Variants in ARHGEF2 observed in about 807,000 individuals in gnomAD.
The protein encoded by ARHGEF2 is Rho/Rac guanine nucleotide exchange factor 2, also known as rho guanine nucleotide exchange factor 2.
Under a neutral mutation model 121.0 loss-of-function variants are expected in ARHGEF2, and 22 were observed. That is an observed-to-expected ratio of 0.18 (90% confidence interval 0.13 to 0.26). The LOEUF (loss-of-function observed/expected upper bound fraction) is 0.26, where lower values mean the gene tolerates loss of function less well. Among genes scored for constraint, ARHGEF2 ranks in the 10% least tolerant of loss-of-function variants. The probability of loss-of-function intolerance (pLI) is 1.00; values close to 1 mark genes in which losing one functional copy is unlikely to be tolerated. For missense variants in ARHGEF2, 907 were observed against 1,336.0 expected, an observed-to-expected ratio of 0.68 and a Z score of 5.01; for synonymous variants, 487 against 530.0, an observed-to-expected ratio of 0.92 and a Z score of 1.11.
rs151138617 is a variant in ARHGEF2 at position 155,952,695 on chromosome 1, G to C, written c.1917C>G (p.Gly639=). 6.2e-7 allele frequency: 1 copy of C among 1,614,098 alleles called. No individual in the cohort carries two copies. The highest frequency in any genetic ancestry group is 8.5e-7 in the Non-Finnish European group (1 of 1,180,036). The change falls in exon 15 of 22, where the codon GGC becomes GGG. Residue 639 remains glycine (G), a synonymous_variant. Transcript: ENST00000361247. ...SGMALPTLPR[G]LFRSESLESP... ...ACTCAAGGGACTCAGAGCGGAAAAG[G>C]CCCCTGGGCAGGGTGGGCAGGGCCA...
intron 1 of ARHGEF2, among the ~76,000 whole-genome samples, chr1:155,971,654 C>A (rs1160302649): frequency 6.7e-6 from 1 of 150,116 alleles, no homozygotes; most frequent in Non-Finnish European, 1.5e-5. Context: ...GTCCAAAAAT[C>A]TCTTCCCACT....
chr1:155,950,741 G>T lies in ARHGEF2; in HGVS notation c.2703+88C>A. On this transcript the variant is annotated intron_variant, in intron 20 of 21. Coordinates refer to ENST00000361247, the MANE Select transcript of ARHGEF2 (RefSeq NM_001162383.2). The surrounding 1 kb of genome is among the most constrained non-coding windows in gnomAD (Gnocchi z 5.2). Reference sequence around the variant, plus strand: ...AAGTCAGTTGACTGATTGCATTTGGGCTCAAATCCCCAATGGCCCAATTTC... The same window carrying T: ...AAGTCAGTTGACTGATTGCATTTGGTCTCAAATCCCCAATGGCCCAATTTC... 1 of 1,344,668 alleles carries T rather than the reference G, an allele frequency of 7.4e-7. No individual in the cohort carries two copies. The highest frequency in any genetic ancestry group is 1.0e-6 in the Non-Finnish European group (1 of 979,596). 83.3% of individuals were successfully genotyped at this position (1,344,668 alleles called of 1,614,324 possible).
chr1:155,951,067 C>T lies in ARHGEF2; in HGVS notation c.2465G>A (p.Arg822Gln), dbSNP rs370742698. 5.6e-6 allele frequency: 9 copies of T among 1,600,058 alleles called. No individual in the cohort carries two copies. Among genetic ancestry groups the T allele is most frequent in the African/African-American group, 1.3e-5 (1 of 74,792 alleles). Residue 822 changes from arginine to glutamine, a missense_variant, in exon 20 of 22, where the codon CGG (arginine) becomes CAG (glutamine). Around this residue, in one of 2 missense-constraint regions of ARHGEF2, gnomAD observed 432 missense variants for 559.5 expected, o/e 0.77. Coordinates refer to ENST00000361247, the MANE Select transcript of ARHGEF2 (RefSeq NM_001162383.2). This position sits in a 1 kb window ranked among gnomAD's most constrained non-coding sequence, Gnocchi z 5.1. ...ALLQEELRRC[R>Q]RLGEERATEA... ...GGTTGCCCGTTCTTCACCTAGCCGCCGGCAGCGCCGTAGCTCCTCCTGCAG... is the reference window on the plus strand; with the variant it reads ...GGTTGCCCGTTCTTCACCTAGCCGCTGGCAGCGCCGTAGCTCCTCCTGCAG...
intron 1 of ARHGEF2, chr1:155,971,099 G>A (rs770647695): frequency 3.4e-4 from 334 of 985,414 alleles, no homozygotes; most frequent in Admixed American, 4.3e-4. Context: ...TCCTCCTCAC[G>A]CAGGCCAACT....
At chr1:155,958,915 G>A (rs1275838720) in intron 11 of ARHGEF2, among the ~76,000 whole-genome samples, 2 of 122,160 alleles carry the variant, frequency 1.6e-5, no homozygotes, top group Non-Finnish European at 1.7e-5. Context: ...GTGGGTGGGG[G>A]GTGGGGGGCG....
At chr1:155,949,028 A>C (rs899082882) in intron 21 of ARHGEF2, among the ~76,000 whole-genome samples, 7 of 151,954 alleles carry the variant, frequency 4.6e-5, no homozygotes, top group African/African-American at 9.7e-5. Context: ...TGGGTGAATC[A>C]CCTGAGGCCA....
chr1:155,949,579 CAA>C (rs577392240), intron 21 of ARHGEF2, among the ~76,000 whole-genome samples: 2 of 129,962 alleles, frequency 1.5e-5, no homozygotes, highest in Non-Finnish European at 1.7e-5. Flanking sequence ...AATTCCATCT[CAA>C]AAAAAAAAAA....
chr1:155,978,619 A>T, upstream of ARHGEF2: 2 of 1,242,158 alleles, frequency 1.6e-6, no homozygotes, highest in Non-Finnish European at 1.0e-6. This position sits in a 1 kb window ranked among gnomAD's most constrained non-coding sequence, Gnocchi z 4.1. Flanking sequence ...GGAAGGGGGT[A>T]GGCGGAGCGG....
chr1:155,974,255 C>T (rs1370337041), intron 1 of ARHGEF2, among the ~76,000 whole-genome samples: 1 of 152,110 alleles, frequency 6.6e-6, no homozygotes, highest in East Asian at 1.9e-4. Context: ...ACAGAGTACT[C>T]AGAATCACCT....
At chr1:155,953,713 C>T (rs979220892) in intron 14 of ARHGEF2, among the ~76,000 whole-genome samples, 1 of 145,744 alleles carries the variant, frequency 6.9e-6, no homozygotes, top group African/African-American at 2.6e-5. Context: ...CGCCACTGCA[C>T]TCCACCCTGG....
At position 155,951,474 on chromosome 1, in the gene ARHGEF2, C is replaced by T; in HGVS notation, c.2259+9G>A. 1 of 1,614,148 alleles carries T rather than the reference C, an allele frequency of 6.2e-7. No individual in the cohort carries two copies. The highest frequency in any genetic ancestry group is 8.5e-7 in the Non-Finnish European group (1 of 1,179,990). On this transcript the variant is annotated intron_variant, in intron 19 of 21. Transcript: ENST00000361247. This position sits in a 1 kb window ranked among gnomAD's most constrained non-coding sequence, Gnocchi z 5.1. ...TCCCCTTCCCCATTCAAGCCCTTGT[C>T]CTACTGACCTGTAGGCCATGTAGAA...
chr1:155,953,214 C>T (rs936503065), intron 14 of ARHGEF2, among the ~76,000 whole-genome samples: 1 of 145,214 alleles, frequency 6.9e-6, no homozygotes, highest in Non-Finnish European at 1.5e-5. Context: ...GCAGTGAGGC[C>T]GAGATCACAC....
intron 2 of ARHGEF2, among the ~76,000 whole-genome samples, chr1:155,967,915 G>C (rs1292549881): frequency 6.6e-6 from 1 of 152,122 alleles, no homozygotes; most frequent in Non-Finnish European, 1.5e-5. Flanking sequence ...AAGGCAAACA[G>C]GGTGGAGCAG....
intron 1 of ARHGEF2, 36 bp from the exon 2 acceptor site, chr1:155,969,336 G>A (rs1194508265): frequency 1.2e-6 from 2 of 1,611,282 alleles, no homozygotes. Context: ...AAGTGAGGCT[G>A]GAAAATGCCA....
At position 155,963,203 on chromosome 1, in the gene ARHGEF2, A is replaced by G; in HGVS notation, c.725-20T>C. The G allele has an allele frequency of 6.2e-7, 1 of 1,600,646 alleles. No individual in the cohort carries two copies. Among genetic ancestry groups the G allele is most frequent in the Non-Finnish European group, 8.5e-7 (1 of 1,175,722 alleles). ...TTAGCTCTGTGGGGGACATTGGGAC[A>G]TTTGGCCTCTACCCTGGCTTGGCTA... On this transcript the variant is annotated intron_variant, in intron 7 of 21. Coordinates refer to ENST00000361247, the MANE Select transcript of ARHGEF2 (RefSeq NM_001162383.2).
chr1:155,976,465 C>T (rs868774575), intron 1 of ARHGEF2, among the ~76,000 whole-genome samples: 26 of 151,380 alleles, frequency 1.7e-4, no homozygotes, highest in African/African-American at 5.8e-4. Flanking sequence ...ACCTGCCCCA[C>T]ACAGCCAGCC....
chr1:155,958,868 C>A (rs946781400), intron 11 of ARHGEF2, among the ~76,000 whole-genome samples: 2 of 140,662 alleles, frequency 1.4e-5, no homozygotes, highest in Non-Finnish European at 3.0e-5. Flanking sequence ...TATGAGCCAC[C>A]GCGCCTGGTC....
chr1:155,949,115 G>A (rs555122324), intron 21 of ARHGEF2, among the ~76,000 whole-genome samples: 33 of 152,052 alleles, frequency 2.2e-4, no homozygotes, highest in African/African-American at 7.7e-4. Context: ...AGCCAGGTGT[G>A]GTAGTGCATG....
At chr1:155,960,127 G>A (rs1270367874) in intron 11 of ARHGEF2, among the ~76,000 whole-genome samples, 1 of 152,048 alleles carries the variant, frequency 6.6e-6, no homozygotes, top group Non-Finnish European at 1.5e-5. Flanking sequence ...CAAGACTGAG[G>A]GAGGAAACAA....
Sources: gnomAD v4.1 joint callset for allele counts (sites outside exome capture counted in the v4.1 genomes callset) on GRCh38, gnomAD v4.1.1 for gene constraint, gnomAD v4.1.1 regional missense constraint, Gnocchi (gnomAD v3.1) non-coding constraint, MANE v1.5 for transcripts, NCBI Gene and HGNC (gene_info 2026-07-23, HGNC 2026-07-21) for gene names.